Variants in RFX2 observed in about 807,000 individuals in gnomAD.
RFX2 encodes DNA-binding protein RFX2.
RFX2 carries 20 observed loss-of-function variants against 87.8 expected under a neutral mutation model. That is an observed-to-expected ratio of 0.23 (90% CI 0.16 to 0.33). The LOEUF (loss-of-function observed/expected upper bound fraction) is 0.33. Among genes scored for constraint, RFX2 ranks in the 10% least tolerant of loss-of-function variants. The pLI is 1.00. For synonymous variants in RFX2, 397 were observed against 431.3 expected, an observed-to-expected ratio of 0.92 and a Z score of 0.98; for missense variants, 767 against 1,012.3, an observed-to-expected ratio of 0.76 and a Z score of 3.29.
At chr19:6,070,211 G>A (rs377022811) in intron 1 of RFX2, among the ~76,000 whole-genome samples, 2 of 3,428 alleles carry the variant, frequency 5.8e-4, no homozygotes, top group Admixed American at 2.4e-3. Flanking sequence ...GATGGGATGG[G>A]ATGGGATGGG....
rs1312963671 is a variant in RFX2 at position 6,010,976 on chromosome 19, C to T, written c.900-725G>A. ...TACTAAAAATACAAAATTAGCTGGG[C>T]GTGGTGGCGCATGCCTTTAATCCCA... On this transcript the variant is annotated intron_variant, in intron 8 of 17. Coordinates refer to ENST00000303657, the MANE Select transcript of RFX2 (RefSeq NM_000635.4). The surrounding 1 kb of genome is among the most constrained non-coding windows in gnomAD (Gnocchi z 5.0). 2.0e-5 allele frequency among the ~76,000 whole-genome samples: 3 copies of T among 151,884 alleles called. No homozygotes were observed. Among genetic ancestry groups the T allele is most frequent in the African/African-American group, 4.8e-5 (2 of 41,346 alleles).
At position 6,042,090 on chromosome 19, in the gene RFX2, C is replaced by A; in HGVS notation, c.214G>T (p.Val72Leu). Residue 72 changes from valine (V) to leucine (L), a missense_variant, in exon 4 of 18, where the codon GTG becomes TTG. Val to Leu is a conservative substitution (Grantham distance 32, BLOSUM62 1). This residue lies in a region of RFX2 where 146 missense variants were observed against 139.2 expected (regional missense o/e 1.05). Coordinates refer to ENST00000303657, the MANE Select transcript of RFX2 (RefSeq NM_000635.4). ...QPVQHVYPAQ[V>L]QYVEGGDAVY... is the part of the protein sequence containing the mutation. ...GCGTCTCCCCCTTCCACGTACTGCA[C>A]CTGGGCAGGATACACGTGCTGCACC... 3 of 1,614,014 alleles carry A rather than the reference C, an allele frequency of 1.9e-6. No homozygotes were observed. Among genetic ancestry groups the A allele is most frequent in the Non-Finnish European group, 1.7e-6 (2 of 1,180,010 alleles).
rs1270483756 is a variant in RFX2, at chr19:6,001,235, G to A, written c.1859+580C>T. Among the ~76,000 whole-genome samples, 1 of 152,170 alleles carries A rather than the reference G, an allele frequency of 6.6e-6. No individual in the cohort carries two copies. Among genetic ancestry groups the A allele is most frequent in the East Asian group, 1.9e-4 (1 of 5,194 alleles). ...TTGGTGTTTCGATATTTCACCAGGAGCCTCCTTGTGCCCTTCAGTTCTGAG... is the reference window on the plus strand; with the variant it reads ...TTGGTGTTTCGATATTTCACCAGGAACCTCCTTGTGCCCTTCAGTTCTGAG... On this transcript the variant is annotated intron_variant, in intron 15 of 17. Coordinates refer to ENST00000303657, the MANE Select transcript of RFX2 (RefSeq NM_000635.4). The surrounding 1 kb of genome is among the most constrained non-coding windows in gnomAD (Gnocchi z 5.6).
At chr19:6,019,099 C>T (rs1449696525) in intron 6 of RFX2, among the ~76,000 whole-genome samples, 11 of 152,042 alleles carry the variant, frequency 7.2e-5, no homozygotes, top group African/African-American at 1.4e-4. Context: ...CAGTTGCCAT[C>T]GTTAGCAGGT....
intron 1 of RFX2, among the ~76,000 whole-genome samples, chr19:6,075,097 C>G (rs1052875835): frequency 3.3e-5 from 5 of 152,162 alleles, no homozygotes; most frequent in Admixed American, 3.3e-4. Context: ...CAGAGGGAAG[C>G]CCTCACCAGA....
intron 3 of RFX2, 145 bp from the exon 4 acceptor site, chr19:6,042,268 A>G: frequency 1.4e-6 from 1 of 713,200 alleles, no homozygotes; most frequent in Non-Finnish European, 2.5e-6. Flanking sequence ...GCACGCCTAG[A>G]AAGACACTGA....
rs746801582 is a variant in RFX2 at position 6,063,966 on chromosome 19, C to T, written c.-8-16462G>A. On this transcript the variant is annotated intron_variant, in intron 1 of 17. Coordinates refer to ENST00000303657, the MANE Select transcript of RFX2 (RefSeq NM_000635.4). This position sits in a 1 kb window ranked among gnomAD's most constrained non-coding sequence, Gnocchi z 4.0. Reference sequence around the variant, plus strand: ...TTTCCAGATTCACCAAACCACTCTCCGTGCTTGTCCCCTCAGATTACTTCA... The same window carrying T: ...TTTCCAGATTCACCAAACCACTCTCTGTGCTTGTCCCCTCAGATTACTTCA... Among the ~76,000 whole-genome samples, 2 of 152,234 alleles carry T rather than the reference C, an allele frequency of 1.3e-5. No homozygotes were observed. The highest frequency in any genetic ancestry group is 2.9e-5 in the Non-Finnish European group (2 of 68,044).
intron 1 of RFX2, among the ~76,000 whole-genome samples, chr19:6,059,195 A>T (rs1433045102): frequency 2.6e-5 from 4 of 151,922 alleles, no homozygotes; most frequent in Admixed American, 6.6e-5. Context: ...GCCCAGAATG[A>T]TCTCGAACTC....
rs2087442241 is a variant in RFX2, at chr19:6,062,116, A to C, written c.-8-14612T>G. Among the ~76,000 whole-genome samples, 3 of 152,292 alleles carry C rather than the reference A, an allele frequency of 2.0e-5. No individual in the cohort carries two copies. In the South Asian group the frequency reaches 6.2e-4, roughly 32 times the overall value. On this transcript the variant is annotated intron_variant, in intron 1 of 17. Transcript: ENST00000303657. ...TTTGAGGTTGAAGTAAGCTGACTGCACTACTGCACTCCAGCCTGGGAGACA... is the reference window on the plus strand; with the variant it reads ...TTTGAGGTTGAAGTAAGCTGACTGCCCTACTGCACTCCAGCCTGGGAGACA...
At chr19:6,089,723 T>C (rs2144879533) in intron 1 of RFX2, among the ~76,000 whole-genome samples, 1 of 152,338 alleles carries the variant, frequency 6.6e-6, no homozygotes, top group African/African-American at 2.4e-5. Flanking sequence ...CAGAGCTGAC[T>C]GCAACACATT....
At chr19:6,072,850 C>A (rs536771364) in intron 1 of RFX2, 5 of 1,302,448 alleles carry the variant, frequency 3.8e-6, no homozygotes, top group Non-Finnish European at 5.5e-6. Flanking sequence ...CCTCGTGAAG[C>A]CCAAGATCGT....
chr19:5,994,680 C>G lies in RFX2; in HGVS notation c.*155G>C. 1 of 606,394 alleles carries G rather than the reference C, an allele frequency of 1.6e-6. No homozygotes were observed. The allele number at this position is 606,394 out of a possible 1,614,324, so 37.6% of individuals were successfully genotyped here. The stretch of plus-strand genomic sequence containing the variant: ...CTTCTGTAGCTTCAACAACTGCTTT[C>G]CTTCTTGAACACTGACCCCGGGAGC... On this transcript the variant is annotated 3_prime_UTR_variant, in exon 18 of 18. Transcript: ENST00000303657.
chr19:6,046,605 C>CTTTTTTT (rs55854937), intron 2 of RFX2, among the ~76,000 whole-genome samples: 3 of 90,586 alleles, frequency 3.3e-5, no homozygotes, highest in South Asian at 3.8e-4. Flanking sequence ...GCCTTTTTGC[C>CTTTTTTT]TTTTTTTTTT....
intron 1 of RFX2, among the ~76,000 whole-genome samples, chr19:6,105,806 G>A (rs2088207781): frequency 6.6e-6 from 1 of 152,138 alleles, no homozygotes; most frequent in Admixed American, 6.5e-5. Flanking sequence ...GGTTTGGCCT[G>A]AGTAATGGGA....
At position 6,040,266 on chromosome 19, in the gene RFX2, A is replaced by T; in HGVS notation, c.261-25T>A. 6.6e-7 allele frequency: 1 copy of T among 1,515,732 alleles called. No individual in the cohort carries two copies. The highest frequency in any genetic ancestry group is 8.9e-7 in the Non-Finnish European group (1 of 1,127,026). 93.9% of individuals were successfully genotyped at this position (1,515,732 alleles called of 1,614,324 possible). On this transcript the variant is annotated intron_variant, in intron 4 of 17. Coordinates refer to ENST00000303657, the MANE Select transcript of RFX2 (RefSeq NM_000635.4). This position sits in a 1 kb window ranked among gnomAD's most constrained non-coding sequence, Gnocchi z 6.1. ...TCTGTTAGAAAGAGAGAAGTCACGC[A>T]TGGGACGCTGTCCCATTTAAATGCC... is the stretch of plus-strand genomic sequence containing the variant.
chr19:6,063,109 C>T lies in RFX2; in HGVS notation c.-8-15605G>A, dbSNP rs1016305188. Among the ~76,000 whole-genome samples, 2 of 152,164 alleles carry T rather than the reference C, an allele frequency of 1.3e-5. No homozygotes were observed. Among genetic ancestry groups the T allele is most frequent in the African/African-American group, 4.8e-5 (2 of 41,428 alleles). On this transcript the variant is annotated intron_variant, in intron 1 of 17. Coordinates refer to ENST00000303657, the MANE Select transcript of RFX2 (RefSeq NM_000635.4). The surrounding 1 kb of genome is among the most constrained non-coding windows in gnomAD (Gnocchi z 4.0). ...CTCTTGCTCCTAGGCCGCCTTCTCC[C>T]TCATGCATCCAGCTACTTGGTTTGA... is the stretch of plus-strand genomic sequence containing the variant.
intron 1 of RFX2, among the ~76,000 whole-genome samples, chr19:6,106,320 T>C (rs1298815698): frequency 6.6e-6 from 1 of 152,072 alleles, no homozygotes; most frequent in East Asian, 1.9e-4. Flanking sequence ...TGAGAGAACA[T>C]GAGAACATGA....
chr19:6,008,871 G>C (rs909367940), intron 9 of RFX2, among the ~76,000 whole-genome samples: 1 of 150,488 alleles, frequency 6.6e-6, no homozygotes, highest in Non-Finnish European at 1.5e-5. Flanking sequence ...GTAGAGATGG[G>C]GTTTCGCCAT....
chr19:6,106,567 A>C (rs1292532410), intron 1 of RFX2, among the ~76,000 whole-genome samples: 1 of 152,124 alleles, frequency 6.6e-6, no homozygotes, highest in Non-Finnish European at 1.5e-5. Context: ...CATATAGTTC[A>C]GTTCAGAAAT....
Sources: allele counts gnomAD v4.1 joint callset (sites outside exome capture counted in the v4.1 genomes callset), GRCh38; gene constraint gnomAD v4.1.1; regional missense constraint gnomAD v4.1.1; non-coding constraint Gnocchi (gnomAD v3.1); transcripts MANE v1.5; gene names NCBI Gene and HGNC (gene_info 2026-07-23, HGNC 2026-07-21).